Variants in CACNA1I observed in about 807,000 individuals in gnomAD.
The protein encoded by CACNA1I is voltage-dependent T-type calcium channel subunit alpha-1I.
Under a neutral mutation model 201.6 loss-of-function variants are expected in CACNA1I, and 74 were observed. That is an observed-to-expected ratio of 0.37 (90% CI 0.30 to 0.45). CACNA1I has a LOEUF of 0.45. Ranked by LOEUF, CACNA1I falls within the 20% of genes least tolerant of loss-of-function variation. The probability of loss-of-function intolerance (pLI) is 1.00; values close to 1 mark genes in which losing one functional copy is unlikely to be tolerated. For synonymous variants in CACNA1I, 1,431 were observed against 1,345.2 expected, an observed-to-expected ratio of 1.06 and a Z score of -1.40; for missense variants, 2,346 against 3,138.1, an observed-to-expected ratio of 0.75 and a Z score of 6.03.
intron 10 of CACNA1I, among the ~76,000 whole-genome samples, chr22:39,654,296 C>T (rs1469162753): frequency 6.6e-6 from 1 of 152,256 alleles, no homozygotes; most frequent in East Asian, 1.9e-4. Flanking sequence ...CCTGCACACA[C>T]CCATGCAGGC....
At chr22:39,608,449 T>A (rs1933286695) in intron 3 of CACNA1I, among the ~76,000 whole-genome samples, 1 of 151,856 alleles carries the variant, frequency 6.6e-6, no homozygotes. Flanking sequence ...AAACATTTTT[T>A]AAAAAAGAAT....
rs1164802872 is a variant in CACNA1I, at chr22:39,665,220, A to C, written c.3852-278A>C. On this transcript the variant is annotated intron_variant, in intron 21 of 36. Coordinates refer to ENST00000402142, the MANE Select transcript of CACNA1I (RefSeq NM_021096.4). This position sits in a 1 kb window ranked among gnomAD's most constrained non-coding sequence, Gnocchi z 5.5. ...AGACCAGGGTGTGGTGTGGACCCCG[A>C]GGAGCTGGGCACAGTGAGGGGTGAG... Among the ~76,000 whole-genome samples the C allele has an allele frequency of 6.6e-6, 1 of 152,068 alleles. No individual in the cohort carries two copies. Among genetic ancestry groups the C allele is most frequent in the East Asian group, 1.9e-4 (1 of 5,184 alleles).
chr22:39,659,861 G>A lies in CACNA1I; in HGVS notation c.2604+9G>A. ...AGGGCTTCCAGGCGGAGGTGACTGTGGTCTTGGCAGAGGAAGCACCCCCAC... is the reference window on the plus strand; with the variant it reads ...AGGGCTTCCAGGCGGAGGTGACTGTAGTCTTGGCAGAGGAAGCACCCCCAC... On this transcript the variant is annotated intron_variant, in intron 14 of 36. Coordinates refer to ENST00000402142, the MANE Select transcript of CACNA1I (RefSeq NM_021096.4). The surrounding 1 kb of genome is among the most constrained non-coding windows in gnomAD (Gnocchi z 4.3). The A allele has an allele frequency of 6.2e-7, 1 of 1,613,626 alleles. No individual in the cohort carries two copies. The highest frequency in any genetic ancestry group is 8.5e-7 in the Non-Finnish European group (1 of 1,179,778).
At chr22:39,681,082 C>T (rs770191973) in intron 34 of CACNA1I, 30 bp downstream of exon 34, 10 of 1,587,398 alleles carry the variant, frequency 6.3e-6, no homozygotes, top group East Asian at 2.3e-5. Context: ...CCTGAGCAGG[C>T]GGGTCTGTCC....
At position 39,682,524 on chromosome 22, in the gene CACNA1I, G is replaced by A. The variant is rs373676044; in HGVS notation, c.5693G>A (p.Arg1898His). ...GAGCTGGACCCACCTGAGCCCATGC[G>A]TGTGGGAGACCTGGGCGAATGCTTC... is the stretch of plus-strand genomic sequence containing the variant. ...KGELDPPEPM[R>H]VGDLGECFFP... is the part of the protein sequence containing the mutation. Residue 1898 changes from arginine (R) to histidine (H), a missense_variant, in exon 35 of 37, where the codon CGT (arginine) becomes CAT (histidine). By Grantham distance (29) the Arg-to-His change is conservative. Coordinates refer to ENST00000402142, the MANE Select transcript of CACNA1I (RefSeq NM_021096.4). 18 of 1,613,666 alleles carry A rather than the reference G, an allele frequency of 1.1e-5. No individual in the cohort carries two copies. Among genetic ancestry groups the A allele is most frequent in the Middle Eastern group, 3.3e-4 (2 of 6,084 alleles).
Position 39,624,631 on chromosome 22 carries a change from C to T in CACNA1I, c.580+5224C>T, listed in dbSNP as rs1933848000. On this transcript the variant is annotated intron_variant, in intron 4 of 36. Transcript: ENST00000402142. ...ATACTCACAGGCGATTCTGCGGGAG[C>T]CGCAGGCTGTTGGAGCACGTGGGGC... Among the ~76,000 whole-genome samples the T allele has an allele frequency of 2.0e-5, 3 of 152,306 alleles. No homozygotes were observed. The South Asian group carries it at 6.2e-4, about 32-fold the overall frequency.
chr22:39,666,098 C>A lies in CACNA1I; in HGVS notation c.4104+92C>A. On this transcript the variant is annotated intron_variant, in intron 23 of 36. Coordinates refer to ENST00000402142, the MANE Select transcript of CACNA1I (RefSeq NM_021096.4). This position sits in a 1 kb window ranked among gnomAD's most constrained non-coding sequence, Gnocchi z 4.1. ...CACAGACCTGGCTTGTCTTGCACTG[C>A]CAGGACTGACACTGACTTCTCCTCT... 1 of 1,451,214 alleles carries A rather than the reference C, an allele frequency of 6.9e-7. No homozygotes were observed. The highest frequency in any genetic ancestry group is 9.4e-7 in the Non-Finnish European group (1 of 1,062,342). The allele number at this position is 1,451,214 out of a possible 1,614,324, so 89.9% of individuals were successfully genotyped here. A position where few individuals can be genotyped will look rare whatever the true frequency, so the allele number is the denominator to read the frequency against.
At chr22:39,614,294 G>A (rs1378814160) in intron 3 of CACNA1I, among the ~76,000 whole-genome samples, 2 of 152,188 alleles carry the variant, frequency 1.3e-5, no homozygotes, top group African/African-American at 2.4e-5. Context: ...GGGACCCTGA[G>A]TTCCAGTTGA....
rs760818588 is a variant in CACNA1I at position 39,641,080 on chromosome 22, C to T, written c.954C>T (p.Asn318=). The T allele has an allele frequency of 1.2e-6, 2 of 1,614,050 alleles. No homozygotes were observed. The highest frequency in any genetic ancestry group is 2.2e-5 in the East Asian group (1 of 44,868). ...QDLNASGLCV[N]WNRYYNVCRT... ...TCAATGCCAGCGGCCTCTGTGTCAA[C>T]TGGAACCGTTACTACAATGTGTGCC... The change falls in exon 6 of 37, where the codon AAC becomes AAT. Residue 318 remains asparagine, a synonymous_variant. Coordinates refer to ENST00000402142, the MANE Select transcript of CACNA1I (RefSeq NM_021096.4).
intron 4 of CACNA1I, among the ~76,000 whole-genome samples, chr22:39,630,048 G>A (rs1181956351): frequency 6.6e-6 from 1 of 152,084 alleles, no homozygotes; most frequent in African/African-American, 2.4e-5. Context: ...TCCTTGCTGT[G>A]GCTGTGGCTG....
intron 4 of CACNA1I, among the ~76,000 whole-genome samples, chr22:39,632,697 ATGAG>A (rs750685161): frequency 4.6e-5 from 7 of 152,354 alleles, no homozygotes; most frequent in South Asian, 4.1e-4. Context: ...TCATGAATGA[ATGAG>A]TGAGTGAATG....
intron 23 of CACNA1I, 95 bp from the exon 24 acceptor site, chr22:39,668,197 C>A: frequency 1.3e-6 from 1 of 740,740 alleles, no homozygotes; most frequent in South Asian, 1.7e-5. Flanking sequence ...CCTCTGCCTC[C>A]CAAGGGCAGA....
In CACNA1I at chr22:39,665,003, C is replaced by A. The variant is rs902625640; in HGVS notation, c.3851+80C>A. 2 of 1,272,458 alleles carry A rather than the reference C, an allele frequency of 1.6e-6. No homozygotes were observed. Among genetic ancestry groups the A allele is most frequent in the South Asian group, 1.4e-5 (1 of 74,036 alleles). The allele number at this position is 1,272,458 out of a possible 1,614,324, so 78.8% of individuals were successfully genotyped here. On this transcript the variant is annotated intron_variant, in intron 21 of 36. Transcript: ENST00000402142. The surrounding 1 kb of genome is among the most constrained non-coding windows in gnomAD (Gnocchi z 5.5). ...CCACGGGTCGAATTGGGCCCTCACT[C>A]CGCCCTCCCCGCCCGCCCACTCGGT...
At position 39,573,903 on chromosome 22, in the gene CACNA1I, A is replaced by C. The variant is rs570192689; in HGVS notation, c.236+2915A>C. On this transcript the variant is annotated intron_variant, in intron 1 of 36. Coordinates refer to ENST00000402142, the MANE Select transcript of CACNA1I (RefSeq NM_021096.4). ...GAGCCCTGGGTCCAAGGGGTGGGGC[A>C]GAAAGCAGCCCCCCTCCATCAGGAG... 7.9e-4 allele frequency among the ~76,000 whole-genome samples: 120 copies of C among 152,258 alleles called. 1 individual carries two copies. Among genetic ancestry groups the C allele is most frequent in the African/African-American group, 2.8e-3 (117 of 41,548 alleles).
chr22:39,684,606 C>A lies in CACNA1I; in HGVS notation c.6027+108C>A. The A allele has an allele frequency of 8.4e-7, 1 of 1,195,966 alleles. No homozygotes were observed. The highest frequency in any genetic ancestry group is 1.2e-6 in the Non-Finnish European group (1 of 831,130). The allele number at this position is 1,195,966 out of a possible 1,614,324, so 74.1% of individuals were successfully genotyped here. On this transcript the variant is annotated intron_variant, in intron 36 of 36. Coordinates refer to ENST00000402142, the MANE Select transcript of CACNA1I (RefSeq NM_021096.4). This position sits in a 1 kb window ranked among gnomAD's most constrained non-coding sequence, Gnocchi z 4.6. ...GGGAGGGGAAGGACCCAACCAAAGG[C>A]CGAGGGCACCACCGTGCAAGGGGGT...
intron 4 of CACNA1I, among the ~76,000 whole-genome samples, chr22:39,622,927 C>T (rs1444390727): frequency 1.3e-5 from 2 of 152,228 alleles, no homozygotes; most frequent in African/African-American, 4.8e-5. Flanking sequence ...GGTCACACTC[C>T]AGGCCACGGA....
intron 24 of CACNA1I, 36 bp from the exon 25 acceptor site, chr22:39,670,002 A>C (rs1293788766): frequency 6.2e-7 from 1 of 1,611,116 alleles, no homozygotes; most frequent in East Asian, 2.2e-5. Context: ...TGTAGGGCCC[A>C]ATCAGCCTCC....
At position 39,649,147 on chromosome 22, in the gene CACNA1I, G is replaced by T. The variant is rs146751856; in HGVS notation, c.1568-354G>T. ...ATCACATCTAGTTCCCAAGCTGCAC[G>T]ACTGGGGCTCTGGGTCTGTTCCATG... On this transcript the variant is annotated intron_variant, in intron 9 of 36. Transcript: ENST00000402142. This position sits in a 1 kb window ranked among gnomAD's most constrained non-coding sequence, Gnocchi z 7.3. 6.6e-6 allele frequency among the ~76,000 whole-genome samples: 1 copy of T among 152,232 alleles called. No individual in the cohort carries two copies. Among genetic ancestry groups the T allele is most frequent in the Non-Finnish European group, 1.5e-5 (1 of 68,040 alleles).
intron 6 of CACNA1I, among the ~76,000 whole-genome samples, chr22:39,641,729 A>G (rs1203656360): frequency 6.6e-6 from 1 of 152,230 alleles, no homozygotes; most frequent in African/African-American, 2.4e-5. Flanking sequence ...CATGGCGTGC[A>G]AAGGGCTTGT....
Sources: gnomAD v4.1 joint callset for allele counts (sites outside exome capture counted in the v4.1 genomes callset) on GRCh38, gnomAD v4.1.1 for gene constraint, Gnocchi (gnomAD v3.1) non-coding constraint, MANE v1.5 for transcripts, NCBI Gene and HGNC (gene_info 2026-07-23, HGNC 2026-07-21) for gene names.